The following BMAL2 variants were observed in gnomAD, a reference collection of about 807,000 sequenced individuals.
BMAL2 encodes the protein basic helix-loop-helix ARNT-like protein 2.
chr12:27,418,295 A>G, the BMAL2 span: 1 of 804,768 alleles, frequency 1.2e-6, no homozygotes, highest in South Asian at 2.0e-5. Context: ...AGAAGCAGAT[A>G]GTTTTAAAAC....
chr12:27,398,508 G>T, the BMAL2 span, among the ~76,000 whole-genome samples: 1 of 152,084 alleles, frequency 6.6e-6, no homozygotes, highest in Non-Finnish European at 1.5e-5. Flanking sequence ...TACTGCACTG[G>T]TAGCGAGCTG....
the BMAL2 span, among the ~76,000 whole-genome samples, chr12:27,407,373 C>A: frequency 6.6e-6 from 1 of 152,126 alleles, no homozygotes; most frequent in Admixed American, 6.6e-5. Context: ...TGTAAAAGAA[C>A]AGAAATTATA....
the BMAL2 span, among the ~76,000 whole-genome samples, chr12:27,416,888 A>G: frequency 0.023 from 3,530 of 152,350 alleles, 385 homozygotes; most frequent in Admixed American, 0.19. Flanking sequence ...ACTTGAGCCC[A>G]GAAGTTTCAG....
At chr12:27,362,940 A>G in the BMAL2 span, among the ~76,000 whole-genome samples, 3 of 152,042 alleles carry the variant, frequency 2.0e-5, no homozygotes, top group Admixed American at 2.0e-4. Flanking sequence ...AGTAGCTAAG[A>G]CTATATGTGC....
At chr12:27,425,200 G>T in the BMAL2 span, 1 of 150,878 alleles carries the variant, frequency 6.6e-6, no homozygotes. Flanking sequence ...TTAAATTTTT[G>T]TGGTAAATAA....
the BMAL2 span, among the ~76,000 whole-genome samples, chr12:27,351,966 A>G: frequency 6.6e-6 from 1 of 152,216 alleles, no homozygotes; most frequent in Non-Finnish European, 1.5e-5. Context: ...ACTATTTCAT[A>G]AGTAATTTGA....
At chr12:27,378,007 T>C in the BMAL2 span, among the ~76,000 whole-genome samples, 4 of 152,176 alleles carry the variant, frequency 2.6e-5, no homozygotes, top group East Asian at 1.9e-4. Flanking sequence ...TTAAAGTCTT[T>C]ATAAAAACAG....
the BMAL2 span, among the ~76,000 whole-genome samples, chr12:27,406,852 CAT>C: frequency 1.3e-5 from 2 of 152,164 alleles, no homozygotes; most frequent in Admixed American, 6.5e-5. Flanking sequence ...AGACCCATCT[CAT>C]GTGCAGAGAC....
chr12:27,359,405 G>C, the BMAL2 span, among the ~76,000 whole-genome samples: 1 of 152,154 alleles, frequency 6.6e-6, no homozygotes, highest in South Asian at 2.1e-4. Context: ...TACTTACTGT[G>C]GGGCTGGGCA....
chr12:27,383,747 C>T, the BMAL2 span, among the ~76,000 whole-genome samples: 5 of 152,204 alleles, frequency 3.3e-5, no homozygotes, highest in Admixed American at 3.3e-4. Flanking sequence ...CCCTCCCAAG[C>T]TGCTGTGTAG....
chr12:27,365,380 G>T, the BMAL2 span, among the ~76,000 whole-genome samples: 4 of 151,998 alleles, frequency 2.6e-5, no homozygotes, highest in Non-Finnish European at 5.9e-5. Flanking sequence ...GTTTGATAAT[G>T]TTTTGTTAAG....
At chr12:27,360,803 CAAAAAAA>C in the BMAL2 span, among the ~76,000 whole-genome samples, 12 of 46,792 alleles carry the variant, frequency 2.6e-4, no homozygotes, top group South Asian at 2.5e-3. Flanking sequence ...GTGATTTGTC[CAAAAAAA>C]AAAAAAAAAA....
chr12:27,346,559 G>A, the BMAL2 span, among the ~76,000 whole-genome samples: 4 of 151,836 alleles, frequency 2.6e-5, no homozygotes, highest in African/African-American at 7.3e-5. Flanking sequence ...CACCATGCCC[G>A]GCCTAAACCT....
chr12:27,357,505 G>C, the BMAL2 span, among the ~76,000 whole-genome samples: 1 of 152,074 alleles, frequency 6.6e-6, no homozygotes, highest in African/African-American at 2.4e-5. Context: ...CACAGAACTA[G>C]AAAAAACAAT....
chr12:27,390,270 G>A, the BMAL2 span: 22 of 1,603,380 alleles, frequency 1.4e-5, no homozygotes, highest in Non-Finnish European at 1.8e-5. Context: ...GTGATGCAAA[G>A]CATGGCTATA....
At chr12:27,350,311 C>T in the BMAL2 span, among the ~76,000 whole-genome samples, 23 of 152,324 alleles carry the variant, frequency 1.5e-4, no homozygotes, top group East Asian at 2.3e-3. Flanking sequence ...AGTTATCCCT[C>T]GCCCACAAAG....
At chr12:27,373,088 G>T in the BMAL2 span, among the ~76,000 whole-genome samples, 1 of 152,318 alleles carries the variant, frequency 6.6e-6, no homozygotes, top group African/African-American at 2.4e-5. Flanking sequence ...GCTGAAAGAA[G>T]AAGACCCAGC....
the BMAL2 span, among the ~76,000 whole-genome samples, chr12:27,401,009 C>T: frequency 7.9e-5 from 12 of 152,092 alleles, no homozygotes; most frequent in Non-Finnish European, 1.3e-4. Context: ...TCTGTGGCCA[C>T]GATTTTACTG....
chr12:27,415,924 A>G, the BMAL2 span: 1 of 1,603,854 alleles, frequency 6.2e-7, no homozygotes. Flanking sequence ...AATGAAAGAT[A>G]CTCATACTGT....
Sources: allele counts gnomAD v4.1 joint callset (sites outside exome capture counted in the v4.1 genomes callset), GRCh38; gene constraint gnomAD v4.1.1; transcripts MANE v1.5; gene names NCBI Gene and HGNC (gene_info 2026-07-23, HGNC 2026-07-21).